Variants in C7 observed in about 807,000 individuals in gnomAD.
C7 encodes complement C7, also known as complement component C7.
A neutral mutation model predicts 104.8 loss-of-function variants in C7; 83 were observed. That is an observed-to-expected ratio of 0.79 (90% confidence interval 0.66 to 0.95). The LOEUF is 0.95. Ranked by LOEUF, C7 falls within the 40% of genes least tolerant of loss-of-function variation. The pLI is 0.00. For synonymous variants in C7, 415 were observed against 360.6 expected (o/e 1.15, Z -1.71); for missense variants, 1,070 against 1,011.2 (o/e 1.06, Z -0.79).
intron 1 of C7, among the ~76,000 whole-genome samples, chr5:40,924,309 C>A (rs1203566491): frequency 6.6e-6 from 1 of 152,208 alleles, no homozygotes; most frequent in Non-Finnish European, 1.5e-5. Context: ...CCAGGTTCCA[C>A]ATCCAGGACA....
At chr5:40,936,894 C>A (rs528738671) in intron 5 of C7, among the ~76,000 whole-genome samples, 2 of 152,184 alleles carry the variant, frequency 1.3e-5, no homozygotes, top group South Asian at 2.1e-4. Context: ...GAGACAGAAG[C>A]AAGTGTGTTG....
rs1271297125 is a variant in C7 at position 40,984,316 on chromosome 5, A to G, written c.*2743A>G. Among the ~76,000 whole-genome samples, 1 of 152,148 alleles carries G rather than the reference A, an allele frequency of 6.6e-6. No homozygotes were observed. The highest frequency in any genetic ancestry group is 1.5e-5 in the Non-Finnish European group (1 of 68,018). On this transcript the variant is annotated 3_prime_UTR_variant, in exon 18 of 18. Coordinates refer to ENST00000313164, the MANE Select transcript of C7 (RefSeq NM_000587.4). ...GGTATGGTAGGGATGTGGAGTGCCA[A>G]GCAGGAAATCTGACAAGTGACCCCC...
intron 15 of C7, chr5:40,976,519 G>A (rs927564651): frequency 3.2e-6 from 1 of 310,760 alleles, no homozygotes; most frequent in African/African-American, 2.1e-5. Context: ...AAATATAAAT[G>A]TTCACGAGAT....
chr5:40,914,890 A>C (rs118173190), intron 1 of C7, among the ~76,000 whole-genome samples: 1 of 152,150 alleles, frequency 6.6e-6, no homozygotes, highest in African/African-American at 2.4e-5. Flanking sequence ...GCGGACATTC[A>C]GAGTTTGGCA....
At chr5:40,950,054 T>A (rs964529954) in intron 9 of C7, 40 bp downstream of exon 9, 1 of 1,188,842 alleles carries the variant, frequency 8.4e-7, no homozygotes, top group Non-Finnish European at 1.2e-6. Context: ...AAGCTTAACT[T>A]CTTTTTTTTT....
At position 40,984,054 on chromosome 5, in the gene C7, G is replaced by C. The variant is rs1441548113; in HGVS notation, c.*2481G>C. 6.6e-6 allele frequency among the ~76,000 whole-genome samples: 1 copy of C among 152,146 alleles called. No homozygotes were observed. Among genetic ancestry groups the C allele is most frequent in the African/African-American group, 2.4e-5 (1 of 41,426 alleles). On this transcript the variant is annotated 3_prime_UTR_variant, in exon 18 of 18. Transcript: ENST00000313164. ...ACAGATCATCGCTTACCACTCATGA[G>C]GACGCTACAAGTTACCTGGGCAGAG...
chr5:40,958,456 T>C (rs955768894), intron 11 of C7, among the ~76,000 whole-genome samples, 195 bp downstream of exon 11: 1 of 152,180 alleles, frequency 6.6e-6, no homozygotes, highest in African/African-American at 2.4e-5. Context: ...TATTTATCCA[T>C]CTGAAGTAAC....
chr5:40,965,648 A>ATATATATAT (rs35802990), intron 14 of C7, among the ~76,000 whole-genome samples: 4,984 of 130,020 alleles, frequency 0.038, 298 homozygotes, highest in African/African-American at 0.15. Context: ...ATATATATAT[A>ATATATATAT]TTTTTTTTTT....
At position 40,955,554 on chromosome 5, in the gene C7, G is replaced by T; in HGVS notation, c.1260+1G>T. 1 of 1,609,878 alleles carries T rather than the reference G, an allele frequency of 6.2e-7. No individual in the cohort carries two copies. The highest frequency in any genetic ancestry group is 8.5e-7 in the Non-Finnish European group (1 of 1,178,112). On this transcript the variant is annotated splice_donor_variant, in intron 10 of 17. Transcript: ENST00000313164. LOFTEE classifies it high-confidence loss of function. ...TCTTCCTCAAGTCATAAAACAAAAGGTATGTCAGGCTTTGTTTAAAGCAAT... is the reference window on the plus strand; with the variant it reads ...TCTTCCTCAAGTCATAAAACAAAAGTTATGTCAGGCTTTGTTTAAAGCAAT...
Position 40,945,328 on chromosome 5 carries a change from G to T in C7, c.698G>T (p.Arg233Leu). The T allele has an allele frequency of 1.2e-6, 2 of 1,607,962 alleles. No homozygotes were observed. The highest frequency in any genetic ancestry group is 1.7e-6 in the Non-Finnish European group (2 of 1,177,810). The change falls in exon 7 of 18, where the codon CGC (arginine) becomes CTC (leucine). Residue 233 changes from arginine to leucine, a missense_variant. Coordinates refer to ENST00000313164, the MANE Select transcript of C7 (RefSeq NM_000587.4). The stretch of plus-strand genomic sequence containing the variant: ...TTTAGATCTTCATCATCTTCTTCAC[G>T]CAGTTATACTTCACATACCAATGAA... ...SFFRSSSSSS[R>L]SYTSHTNEIH...
At chr5:40,953,150 C>T (rs545940524) in intron 9 of C7, among the ~76,000 whole-genome samples, 14 of 151,900 alleles carry the variant, frequency 9.2e-5, no homozygotes, top group East Asian at 1.9e-4. Flanking sequence ...ACAATGAAGA[C>T]GAGGAAGCAT....
intron 15 of C7, among the ~76,000 whole-genome samples, chr5:40,975,688 CTTG>C (rs1387093640): frequency 1.3e-5 from 2 of 152,080 alleles, no homozygotes; most frequent in Non-Finnish European, 2.9e-5. Flanking sequence ...AATAATGAAT[CTTG>C]TTATTGAGAC....
At chr5:40,966,634 C>T (rs1380699665) in intron 14 of C7, among the ~76,000 whole-genome samples, 2 of 152,118 alleles carry the variant, frequency 1.3e-5, no homozygotes, top group Non-Finnish European at 2.9e-5. Flanking sequence ...GAATCGGCCT[C>T]CCAAAGTGCT....
chr5:40,928,456 C>T (rs373219075), intron 1 of C7, 124 bp from the exon 2 acceptor site: 32 of 606,570 alleles, frequency 5.3e-5, no homozygotes, highest in East Asian at 5.3e-4. Flanking sequence ...AATTATTTCA[C>T]ATTGTATTGA....
intron 8 of C7, among the ~76,000 whole-genome samples, chr5:40,949,402 G>T (rs1579857642): frequency 1.3e-5 from 2 of 150,874 alleles, no homozygotes; most frequent in African/African-American, 4.8e-5. Context: ...ATAATGAGTA[G>T]AAATGATCAC....
In C7 at chr5:40,981,596, T is replaced by C. The variant is rs1740947370; in HGVS notation, c.*23T>C. 1.9e-6 allele frequency: 3 copies of C among 1,580,426 alleles called. No homozygotes were observed. On this transcript the variant is annotated 3_prime_UTR_variant, in exon 18 of 18. Transcript: ENST00000313164. Reference sequence around the variant, plus strand: ...TAGGCTCCTGGAGGCCCTGGTCAGCTTGCTTGGAATCCAGCAGGCAGCTGG... The same window carrying C: ...TAGGCTCCTGGAGGCCCTGGTCAGCCTGCTTGGAATCCAGCAGGCAGCTGG...
At chr5:40,909,767 C>A (rs998449805) in intron 1 of C7, among the ~76,000 whole-genome samples, 151 bp downstream of exon 1, 1 of 151,998 alleles carries the variant, frequency 6.6e-6, no homozygotes, top group African/African-American at 2.4e-5. Context: ...AAGAAAAAGA[C>A]CTGGGGGTGA....
At chr5:40,959,356 C>T in intron 11 of C7, 93 bp from the exon 12 acceptor site, 1 of 1,132,612 alleles carries the variant, frequency 8.8e-7, no homozygotes, top group East Asian at 2.6e-5. Context: ...AGAATGATCT[C>T]TTCCTCCAAT....
In C7 at chr5:40,972,632, C is replaced by A. The variant is rs757670697; in HGVS notation, c.2074+38C>A. ...CATGTCTATCCAAGGACACTTGTAC[C>A]CAGGCAAGTGAGAGTCCTTGTGGCG... is the stretch of plus-strand genomic sequence containing the variant. On this transcript the variant is annotated intron_variant, in intron 15 of 17. Transcript: ENST00000313164. 3.9e-6 allele frequency: 6 copies of A among 1,524,906 alleles called. No homozygotes were observed. In the Admixed American group the frequency reaches 9.7e-5, roughly 25 times the overall value. 94.5% of individuals were successfully genotyped at this position (1,524,906 alleles called of 1,614,324 possible). A position where few individuals can be genotyped will look rare whatever the true frequency, so the allele number is the denominator to read the frequency against.
Sources: allele counts gnomAD v4.1 joint callset (sites outside exome capture counted in the v4.1 genomes callset), GRCh38; gene constraint gnomAD v4.1.1; transcripts MANE v1.5; gene names NCBI Gene and HGNC (gene_info 2026-07-23, HGNC 2026-07-21).